ZNF292: variants seen among roughly 807,000 people sequenced by gnomAD.
ZNF292 encodes zinc finger protein 292.
ZNF292 carries 26 observed loss-of-function variants against 217.9 expected under a neutral mutation model. The observed-to-expected ratio is 0.12, with a 90% CI of 0.09 to 0.17. ZNF292 has a LOEUF of 0.17. ZNF292 is among the 10% of genes least tolerant of loss of function. ZNF292 has a pLI of 1.00. For missense variants in ZNF292, 2,904 were observed against 3,175.2 expected, an observed-to-expected ratio of 0.91 and a Z score of 2.05; for synonymous variants, 1,257 against 1,124.1, an observed-to-expected ratio of 1.12 and a Z score of -2.37.
chr6:87,262,076 A>G lies in ZNF292; in HGVS notation c.*275A>G. The G allele has an allele frequency of 4.4e-6, 1 of 228,600 alleles. No homozygotes were observed. The highest frequency in any genetic ancestry group is 1.1e-4 in the South Asian group (1 of 8,880). The allele number at this position is 228,600 out of a possible 1,614,324, so 14.2% of individuals were successfully genotyped here. A position where few individuals can be genotyped will look rare whatever the true frequency, so the allele number is the denominator to read the frequency against. ...CCCAGTTGCCCTTTTCATGAACTAA[A>G]CAATTATCTGTGTGATTGGTATGTT... On this transcript the variant is annotated 3_prime_UTR_variant, in exon 8 of 8. Transcript: ENST00000369577.
intron 4 of ZNF292, among the ~76,000 whole-genome samples, chr6:87,222,102 C>T (rs1283416718): frequency 6.6e-6 from 1 of 151,878 alleles, no homozygotes; most frequent in Non-Finnish European, 1.5e-5. Flanking sequence ...ATATTAGATC[C>T]CTTCTGTCTC....
In ZNF292 at chr6:87,254,745, C is replaced by G. The variant is rs1775116694; in HGVS notation, c.1116C>G (p.Cys372Trp). Reference protein sequence around the residue: ...TENTEVKISICKTISCLLPDD... With the variant: ...TENTEVKISIWKTISCLLPDD... ...ATACTGAAGTGAAAATATCTATTTGCAAGACCATTTCATGTTTGTTGCCTG... is the reference window on the plus strand; with the variant it reads ...ATACTGAAGTGAAAATATCTATTTGGAAGACCATTTCATGTTTGTTGCCTG... The change falls in exon 8 of 8, where the codon TGC becomes TGG. Residue 372 changes from cysteine (C) to tryptophan (W), a missense_variant. Cys to Trp is a radical substitution (Grantham distance 215). This residue lies in a region of ZNF292 where 313 missense variants were observed against 451.0 expected (regional missense o/e 0.69). Transcript: ENST00000369577. 1 of 1,613,930 alleles carries G rather than the reference C, an allele frequency of 6.2e-7. No individual in the cohort carries two copies. Among genetic ancestry groups the G allele is most frequent in the African/African-American group, 1.3e-5 (1 of 75,044 alleles).
intron 1 of ZNF292, among the ~76,000 whole-genome samples, chr6:87,187,351 C>T (rs1771695120): frequency 6.6e-6 from 1 of 152,114 alleles, no homozygotes; most frequent in African/African-American, 2.4e-5. Flanking sequence ...TTCAGTAACT[C>T]ACTTTACTAA....
intron 1 of ZNF292, chr6:87,213,713 A>T (rs1211981421): frequency 6.6e-6 from 1 of 152,288 alleles, no homozygotes; most frequent in Non-Finnish European, 1.5e-5. Flanking sequence ...ACTGGTGGGA[A>T]AGTTGTTTAC....
Position 87,263,905 on chromosome 6 carries a change from G to T in ZNF292, c.*2104G>T, listed in dbSNP as rs894700428. On this transcript the variant is annotated 3_prime_UTR_variant, in exon 8 of 8. Coordinates refer to ENST00000369577, the MANE Select transcript of ZNF292 (RefSeq NM_015021.3). ...CTATGAGCCACTGTTAAGTGAAAATGCCAATGTATTGGGGCTTTTCTTTTG... is the reference window on the plus strand; with the variant it reads ...CTATGAGCCACTGTTAAGTGAAAATTCCAATGTATTGGGGCTTTTCTTTTG... 1.3e-5 allele frequency: 2 copies of T among 152,212 alleles called. No homozygotes were observed. Among genetic ancestry groups the T allele is most frequent in the Non-Finnish European group, 2.9e-5 (2 of 67,990 alleles). 9.4% of individuals were successfully genotyped at this position (152,212 alleles called of 1,614,324 possible).
chr6:87,206,148 A>C (rs1772246436), intron 1 of ZNF292, among the ~76,000 whole-genome samples: 1 of 152,184 alleles, frequency 6.6e-6, no homozygotes, highest in South Asian at 2.1e-4. Flanking sequence ...AGAAGCATAA[A>C]AGAAAACAAG....
chr6:87,245,719 T>G, intron 7 of ZNF292, 75 bp downstream of exon 7: 1 of 979,028 alleles, frequency 1.0e-6, no homozygotes, highest in Non-Finnish European at 1.4e-6. Flanking sequence ...CTTTTATGAT[T>G]TTGGCTCCCT....
intron 1 of ZNF292, among the ~76,000 whole-genome samples, chr6:87,176,605 C>T (rs1203757688): frequency 1.3e-5 from 2 of 152,030 alleles, no homozygotes; most frequent in Non-Finnish European, 1.5e-5. Flanking sequence ...TTTACTGAAC[C>T]CTATCACCCT....
At chr6:87,220,054 T>A (rs1340196887) in intron 4 of ZNF292, among the ~76,000 whole-genome samples, 1 of 152,166 alleles carries the variant, frequency 6.6e-6, no homozygotes, top group Non-Finnish European at 1.5e-5. Flanking sequence ...CTCGAACTCC[T>A]GGGCTCAAGC....
Position 87,255,642 on chromosome 6 carries a change from A to G in ZNF292, c.2013A>G (p.Pro671=), listed in dbSNP as rs1045974647. ...AATCCTATGAGCCAGAAGTGATTCC[A>G]GTCCAGAAACCAGTACCTGTTAATG... The part of the protein sequence containing the change: ...KDKSYEPEVI[P]VQKPVPVNEF... The change falls in exon 8 of 8, where the codon CCA becomes CCG. Residue 671 remains proline, a synonymous_variant. Transcript: ENST00000369577. 1 of 1,613,082 alleles carries G rather than the reference A, an allele frequency of 6.2e-7. No individual in the cohort carries two copies. The highest frequency in any genetic ancestry group is 1.7e-5 in the Admixed American group (1 of 59,796).
rs375975242 is a variant in ZNF292 at position 87,259,050 on chromosome 6, C to T, written c.5421C>T (p.Pro1807=). 29 of 1,613,222 alleles carry T rather than the reference C, an allele frequency of 1.8e-5. No individual in the cohort carries two copies. Among genetic ancestry groups the T allele is most frequent in the Middle Eastern group, 1.6e-4 (1 of 6,080 alleles). ...ACACTGTGCAAAATAACAAATTACC[C>T]GATTCTTCTCCGTTTTCCTCCTTTA... ...SVNTVQNNKL[P]DSSPFSSFIS... Residue 1807 remains proline (P), a synonymous_variant, in exon 8 of 8, where the codon CCC becomes CCT. Coordinates refer to ENST00000369577, the MANE Select transcript of ZNF292 (RefSeq NM_015021.3).
Position 87,259,888 on chromosome 6 carries a change from A to G in ZNF292, c.6259A>G (p.Lys2087Glu). 9 of 1,613,600 alleles carry G rather than the reference A, an allele frequency of 5.6e-6. No homozygotes were observed. The highest frequency in any genetic ancestry group is 6.8e-6 in the Non-Finnish European group (8 of 1,179,676). ...AGGACGGAAGATTAGGAGGCATAAA[A>G]AAGAAAAGGAGGAGAAAAAACGAAA... ...TKGRKIRRHK[K>E]EKEEKKRKKP... Residue 2087 changes from lysine (K) to glutamate (E), a missense_variant, in exon 8 of 8, where the codon AAA becomes GAA. Around this residue, in one of 15 missense-constraint regions of ZNF292, gnomAD observed 261 missense variants for 272.8 expected, o/e 0.96. Coordinates refer to ENST00000369577, the MANE Select transcript of ZNF292 (RefSeq NM_015021.3).
chr6:87,215,760 A>G, intron 1 of ZNF292, 143 bp from the exon 2 acceptor site: 1 of 558,248 alleles, frequency 1.8e-6, no homozygotes, highest in Non-Finnish European at 2.9e-6. Flanking sequence ...ATTTCATTTA[A>G]TATTTTAATC....
chr6:87,235,289 A>AT (rs1414059337), intron 5 of ZNF292, among the ~76,000 whole-genome samples: 5 of 151,992 alleles, frequency 3.3e-5, no homozygotes, highest in Admixed American at 3.3e-4. Context: ...CTTCTCAGAT[A>AT]TTTTTCAGTG....
intron 1 of ZNF292, among the ~76,000 whole-genome samples, chr6:87,195,930 A>G (rs1488794432): frequency 5.3e-5 from 8 of 151,776 alleles, no homozygotes; most frequent in Non-Finnish European, 1.2e-4. Context: ...CAGGAGGCTG[A>G]GGCAGGAGAA....
At chr6:87,248,301 G>A (rs1042568109) in intron 7 of ZNF292, among the ~76,000 whole-genome samples, 2 of 152,146 alleles carry the variant, frequency 1.3e-5, no homozygotes, top group African/African-American at 4.8e-5. Flanking sequence ...TGGTCAGTAA[G>A]TCTTAGATGT....
chr6:87,229,237 A>C (rs995606738), intron 4 of ZNF292, among the ~76,000 whole-genome samples: 4 of 152,132 alleles, frequency 2.6e-5, no homozygotes, highest in Admixed American at 1.3e-4. Flanking sequence ...TACAGATGCA[A>C]CTGATATTTA....
In ZNF292 at chr6:87,259,536, G is replaced by A. The variant is rs1165169557; in HGVS notation, c.5907G>A (p.Gln1969=). The change falls in exon 8 of 8, where the codon CAG becomes CAA. Residue 1969 remains glutamine, a synonymous_variant. Transcript: ENST00000369577. ...TRNSNLRAHC[Q]LVHHFTTEEM... ...ATTCTAACCTCCGGGCACACTGTCA[G>A]TTGGTGCATCATTTTACAACTGAAG... 6.3e-7 allele frequency: 1 copy of A among 1,585,524 alleles called. No individual in the cohort carries two copies. The highest frequency in any genetic ancestry group is 1.1e-5 in the South Asian group (1 of 87,278).
In ZNF292 at chr6:87,256,857, G is replaced by A. The variant is rs186399762; in HGVS notation, c.3228G>A (p.Pro1076=). The A allele has an allele frequency of 9.9e-6, 16 of 1,613,586 alleles. No individual in the cohort carries two copies. The highest frequency in any genetic ancestry group is 6.7e-5 in the East Asian group (3 of 44,878). ...KTLESIAFVP[P]QSDLSNSLGT... ...TAGAAAGTATTGCATTTGTTCCACC[G>A]CAGTCCGACCTAAGTAATTCATTAG... Residue 1076 remains proline, a synonymous_variant, in exon 8 of 8, where the codon CCG becomes CCA. Coordinates refer to ENST00000369577, the MANE Select transcript of ZNF292 (RefSeq NM_015021.3).
Sources: gnomAD v4.1 joint callset for allele counts (sites outside exome capture counted in the v4.1 genomes callset) on GRCh38, gnomAD v4.1.1 for gene constraint, gnomAD v4.1.1 regional missense constraint, MANE v1.5 for transcripts, NCBI Gene and HGNC (gene_info 2026-07-23, HGNC 2026-07-21) for gene names.